TCOF1: variants seen among roughly 807,000 people sequenced by gnomAD.
TCOF1 encodes treacle protein.
A neutral mutation model predicts 149.0 loss-of-function variants in TCOF1; 33 were observed. The observed-to-expected ratio is 0.22, with a 90% confidence interval of 0.17 to 0.30. The LOEUF (loss-of-function observed/expected upper bound fraction) is 0.30, where lower values mean the gene tolerates loss of function less well. TCOF1 is among the 10% of genes least tolerant of loss of function. The probability of loss-of-function intolerance (pLI) is 1.00; values close to 1 mark genes in which losing one functional copy is unlikely to be tolerated. For synonymous variants in TCOF1, 789 were observed against 738.8 expected, an observed-to-expected ratio of 1.07 and a Z score of -1.10; for missense variants, 1,728 against 1,840.7, an observed-to-expected ratio of 0.94 and a Z score of 1.12.
At chr5:150,365,256 T>A (rs1761077263) in intron 3 of TCOF1, among the ~76,000 whole-genome samples, 1 of 138,966 alleles carries the variant, frequency 7.2e-6, no homozygotes, top group African/African-American at 3.0e-5. Context: ...TTTCTTTCTT[T>A]TTTTTTTTTT....
At chr5:150,379,798 G>A (rs1199648761) in intron 17 of TCOF1, 66 bp downstream of exon 17, 38 of 1,565,830 alleles carry the variant, frequency 2.4e-5, no homozygotes, top group Middle Eastern at 1.7e-4. Flanking sequence ...AGGGCTGGGC[G>A]TGGTGGCTCA....
chr5:150,386,047 TGA>T (rs1050984330), intron 17 of TCOF1, among the ~76,000 whole-genome samples: 18 of 152,030 alleles, frequency 1.2e-4, no homozygotes, highest in East Asian at 5.8e-4. Context: ...AGTGAAGTCA[TGA>T]GAGAGGCGTA....
chr5:150,382,215 T>C (rs1765373767), intron 17 of TCOF1, among the ~76,000 whole-genome samples: 1 of 152,048 alleles, frequency 6.6e-6, no homozygotes, highest in Non-Finnish European at 1.5e-5. Context: ...GACCTCAGGC[T>C]GGACGTTCTA....
chr5:150,364,036 G>T, intron 2 of TCOF1, 77 bp from the exon 3 acceptor site: 1 of 1,605,554 alleles, frequency 6.2e-7, no homozygotes, highest in Non-Finnish European at 8.5e-7. Context: ...GGAAGGATGC[G>T]GGAAGGTCTG....
intron 4 of TCOF1, 28 bp downstream of exon 4, chr5:150,367,945 G>T: frequency 6.2e-7 from 1 of 1,613,374 alleles, no homozygotes; most frequent in Non-Finnish European, 8.5e-7. Flanking sequence ...CCAAGCTATT[G>T]CCTATGGGAT....
At chr5:150,387,861 C>A in intron 17 of TCOF1, 41 bp from the exon 18 acceptor site, 1 of 1,612,962 alleles carries the variant, frequency 6.2e-7, no homozygotes, top group Admixed American at 1.7e-5. Flanking sequence ...CCTGGCCAAG[C>A]CTTTAATCAC....
chr5:150,393,601 G>A (rs1270676989), intron 23 of TCOF1, 49 bp downstream of exon 23: 1 of 1,612,104 alleles, frequency 6.2e-7, no homozygotes, highest in Middle Eastern at 1.7e-4. Flanking sequence ...GAGGGACAGG[G>A]CAGTGGGCCC....
intron 17 of TCOF1, among the ~76,000 whole-genome samples, chr5:150,381,793 A>G (rs1228048268): frequency 6.6e-6 from 1 of 152,252 alleles, no homozygotes; most frequent in Admixed American, 6.5e-5. Flanking sequence ...CCCAGGTTCC[A>G]GCTGCTGAAA....
At chr5:150,372,347 G>A (rs775997486) in intron 7 of TCOF1, 111 bp downstream of exon 7, 132 of 959,344 alleles carry the variant, frequency 1.4e-4, no homozygotes, top group Non-Finnish European at 1.9e-4. Context: ...GAGGACTATG[G>A]TGTGAAGTTG....
Position 150,379,615 on chromosome 5 carries a change from ACCT to A in TCOF1, c.2746_2748del (p.Pro916del). 1 of 1,613,232 alleles carries A rather than the reference ACCT, an allele frequency of 6.2e-7. No individual in the cohort carries two copies. The highest frequency in any genetic ancestry group is 1.3e-5 in the African/African-American group (1 of 74,648). ...CCCCCAGGAAAGGGGCTGCCCCAAC[ACCT>A]CCTGGGAAGACAGGGCCTTCGGCTG... On this transcript the variant is annotated inframe_deletion, in exon 17 of 27. Transcript: ENST00000643257.
At chr5:150,376,645 A>C (rs1373205225) in intron 14 of TCOF1, 25 bp downstream of exon 14, 8 of 1,550,998 alleles carry the variant, frequency 5.2e-6, no homozygotes, top group Non-Finnish European at 6.1e-6. Context: ...GAGCAGGCCC[A>C]TCCCACCCAC....
intron 17 of TCOF1, among the ~76,000 whole-genome samples, chr5:150,387,570 C>T (rs761161612): frequency 6.6e-6 from 1 of 152,232 alleles, no homozygotes; most frequent in African/African-American, 2.4e-5. Flanking sequence ...CTGGCCGTGG[C>T]TTTGCTTCCA....
intron 7 of TCOF1, 57 bp from the exon 8 acceptor site, chr5:150,374,117 G>T: frequency 6.4e-7 from 1 of 1,551,888 alleles, no homozygotes; most frequent in Non-Finnish European, 8.8e-7. Context: ...TATCCTAAAG[G>T]CATCACCAGA....
chr5:150,378,711 C>CT (rs1435447831), intron 14 of TCOF1, 194 bp from the exon 15 acceptor site: 2 of 696,482 alleles, frequency 2.9e-6, no homozygotes, highest in Non-Finnish European at 4.9e-6. Flanking sequence ...GTAGGTGGGC[C>CT]TTATTATTAT....
chr5:150,395,081 T>C (rs1259296747), intron 23 of TCOF1, among the ~76,000 whole-genome samples: 1 of 152,146 alleles, frequency 6.6e-6, no homozygotes, highest in Admixed American at 6.5e-5. Context: ...CGGGGGCCCC[T>C]CTGCCTAACC....
intron 5 of TCOF1, 146 bp downstream of exon 5, chr5:150,369,048 C>T (rs534314454): frequency 9.1e-7 from 1 of 1,097,308 alleles, no homozygotes; most frequent in East Asian, 2.6e-5. Context: ...GGACTTTTCT[C>T]ATCACCTAGA....
At chr5:150,358,070 G>A (rs1759068340) in intron 1 of TCOF1, among the ~76,000 whole-genome samples, 1 of 152,230 alleles carries the variant, frequency 6.6e-6, no homozygotes, top group Admixed American at 6.5e-5. Context: ...CCGGGCAGTG[G>A]GTTGGGCCAG....
chr5:150,392,899 A>G, intron 22 of TCOF1, 109 bp downstream of exon 22: 1 of 1,344,356 alleles, frequency 7.4e-7, no homozygotes, highest in Admixed American at 2.0e-5. Context: ...CCCTCTCTTC[A>G]CAGAGGCCTT....
chr5:150,358,180 C>G (rs1358104353), intron 1 of TCOF1, among the ~76,000 whole-genome samples: 1 of 152,058 alleles, frequency 6.6e-6, no homozygotes, highest in Non-Finnish European at 1.5e-5. Flanking sequence ...TCTCCCGCCA[C>G]GTGGCTAGGC....
Sources: allele counts gnomAD v4.1 joint callset (sites outside exome capture counted in the v4.1 genomes callset), GRCh38; gene constraint gnomAD v4.1.1; transcripts MANE v1.5; gene names NCBI Gene and HGNC (gene_info 2026-07-23, HGNC 2026-07-21).